Variants in NTRK3 observed in about 807,000 individuals in gnomAD.
NTRK3 encodes the protein NT-3 growth factor receptor.
NTRK3 carries 24 observed loss-of-function variants against 91.7 expected under a neutral mutation model. The observed-to-expected ratio is 0.26, with a 90% CI of 0.19 to 0.37. The LOEUF (loss-of-function observed/expected upper bound fraction) is 0.37, where lower values mean the gene tolerates loss of function less well. Among genes scored for constraint, NTRK3 ranks in the 10% least tolerant of loss-of-function variants. The pLI is 1.00. For synonymous variants in NTRK3, 483 were observed against 404.0 expected (o/e 1.20, Z -2.34); for missense variants, 880 against 1,068.9 (o/e 0.82, Z 2.46).
exon 19 of NTRK3, chr15:87,860,529 G>C (rs189230704): frequency 2.9e-4 from 57 of 198,980 alleles, no homozygotes. Flanking sequence ...GTTTTACTTA[G>C]ACAATAAACC....
At chr15:87,988,832 G>A (rs1011973874) in intron 14 of NTRK3, among the ~76,000 whole-genome samples, 1 of 152,104 alleles carries the variant, frequency 6.6e-6, no homozygotes, top group Admixed American at 6.5e-5. Flanking sequence ...GAAGTGGCTA[G>A]CATTACAAGA....
In NTRK3 at chr15:88,255,225, T is replaced by C; in HGVS notation, c.248+681A>G. The stretch of plus-strand genomic sequence containing the variant: ...GGGAAGGGATCTGTAGGCGCCCAGA[T>C]GCAGATGAGGGTGGCAAAGGGGTGT... On this transcript the variant is annotated intron_variant, in intron 3 of 18. Coordinates refer to ENST00000394480, the Ensembl canonical transcript of NTRK3. The surrounding 1 kb of genome is among the most constrained non-coding windows in gnomAD (Gnocchi z 4.3). Among the ~76,000 whole-genome samples the C allele has an allele frequency of 6.6e-6, 1 of 152,154 alleles. No individual in the cohort carries two copies. Among genetic ancestry groups the C allele is most frequent in the Middle Eastern group, 3.4e-3 (1 of 294 alleles).
At chr15:87,864,192 T>A (rs898517907) in exon 19 of NTRK3, 1 of 232,664 alleles carries the variant, frequency 4.3e-6, no homozygotes, top group African/African-American at 2.2e-5. Context: ...CTCAAGCTAA[T>A]CCACCATGGC....
At chr15:88,029,005 T>A (rs1001298679) in intron 14 of NTRK3, among the ~76,000 whole-genome samples, 1 of 152,212 alleles carries the variant, frequency 6.6e-6, no homozygotes, top group African/African-American at 2.4e-5. Flanking sequence ...AACTTTTAGC[T>A]TCTCCCAAGT....
At chr15:87,960,925 C>T (rs1485313120) in intron 14 of NTRK3, among the ~76,000 whole-genome samples, 1 of 152,186 alleles carries the variant, frequency 6.6e-6, no homozygotes, top group Non-Finnish European at 1.5e-5. Flanking sequence ...TTTCTCAAGC[C>T]TCATTTCACT....
intron 13 of NTRK3, among the ~76,000 whole-genome samples, chr15:88,068,360 G>C (rs1393599786): frequency 6.6e-6 from 1 of 152,158 alleles, no homozygotes; most frequent in African/African-American, 2.4e-5. Flanking sequence ...GAACCCGGGA[G>C]GTGGAGGCTG....
intron 6 of NTRK3, among the ~76,000 whole-genome samples, chr15:88,142,687 A>T (rs1197584776): frequency 2.0e-5 from 3 of 152,212 alleles, no homozygotes; most frequent in African/African-American, 7.2e-5. Context: ...CAACAGTCAG[A>T]TGGTAGGAAA....
intron 13 of NTRK3, among the ~76,000 whole-genome samples, chr15:88,048,297 TTCA>T (rs2080443621): frequency 6.6e-6 from 1 of 152,278 alleles, no homozygotes; most frequent in South Asian, 2.1e-4. Flanking sequence ...CAGTATCAAT[TTCA>T]TAACGTTATT....
intron 4 of NTRK3, among the ~76,000 whole-genome samples, chr15:88,183,776 C>T (rs1277021297): frequency 2.6e-5 from 4 of 152,170 alleles, no homozygotes; most frequent in Non-Finnish European, 5.9e-5. Flanking sequence ...TTCTGCTGGT[C>T]CAGTAATGGC....
chr15:88,026,010 G>A (rs1415601445), intron 14 of NTRK3, among the ~76,000 whole-genome samples: 1 of 152,156 alleles, frequency 6.6e-6, no homozygotes, highest in Non-Finnish European at 1.5e-5. Context: ...GGTGGCTCAC[G>A]CCTGTAATCC....
intron 3 of NTRK3, among the ~76,000 whole-genome samples, chr15:88,246,416 G>A (rs1407047945): frequency 6.6e-6 from 1 of 152,120 alleles, no homozygotes; most frequent in African/African-American, 2.4e-5. Flanking sequence ...ACTACTTGTC[G>A]TCCGGTAATT....
chr15:87,949,037 G>C (rs1435352176), intron 14 of NTRK3, among the ~76,000 whole-genome samples: 1 of 152,164 alleles, frequency 6.6e-6, no homozygotes, highest in African/African-American at 2.4e-5. Flanking sequence ...GCCTAGCACA[G>C]GGCCTGAGAC....
intron 14 of NTRK3, among the ~76,000 whole-genome samples, chr15:87,996,275 C>T (rs1318851244): frequency 6.6e-6 from 1 of 151,860 alleles, no homozygotes; most frequent in Non-Finnish European, 1.5e-5. Flanking sequence ...TAAAATAAAA[C>T]CATTCTTAGC....
intron 14 of NTRK3, among the ~76,000 whole-genome samples, chr15:87,954,368 G>C (rs546683184): frequency 6.6e-6 from 1 of 152,188 alleles, no homozygotes; most frequent in East Asian, 1.9e-4. Context: ...AAAGTATGGA[G>C]GCTGAATGAC....
At chr15:88,190,527 G>T (rs181873451) in intron 3 of NTRK3, among the ~76,000 whole-genome samples, 1 of 152,134 alleles carries the variant, frequency 6.6e-6, no homozygotes, top group Non-Finnish European at 1.5e-5. Flanking sequence ...CTATTCCAAC[G>T]GTTATCGCAT....
intron 13 of NTRK3, among the ~76,000 whole-genome samples, chr15:88,116,919 T>C (rs2052155481): frequency 6.6e-6 from 1 of 152,214 alleles, no homozygotes; most frequent in Non-Finnish European, 1.5e-5. Context: ...CCTAGGCAAC[T>C]GCACATCGAA....
At chr15:88,180,987 G>C (rs74463509) in intron 5 of NTRK3, among the ~76,000 whole-genome samples, 2 of 152,124 alleles carry the variant, frequency 1.3e-5, no homozygotes, top group South Asian at 2.1e-4. Context: ...GTCTCTCTGC[G>C]ACCCCCAGGC....
At chr15:87,974,246 C>T (rs1007533527) in intron 14 of NTRK3, among the ~76,000 whole-genome samples, 1 of 150,790 alleles carries the variant, frequency 6.6e-6, no homozygotes, top group African/African-American at 2.5e-5. Flanking sequence ...AAGGGATTCC[C>T]GCACAAAAGA....
chr15:87,946,654 G>A (rs952190668), intron 14 of NTRK3, among the ~76,000 whole-genome samples: 1 of 152,128 alleles, frequency 6.6e-6, no homozygotes, highest in African/African-American at 2.4e-5. Flanking sequence ...CCTGGCTCAT[G>A]TTGATACTCA....
Sources: gnomAD v4.1 joint callset for allele counts (sites outside exome capture counted in the v4.1 genomes callset) on GRCh38, gnomAD v4.1.1 for gene constraint, Gnocchi (gnomAD v3.1) non-coding constraint, MANE v1.5 for transcripts, NCBI Gene and HGNC (gene_info 2026-07-23, HGNC 2026-07-21) for gene names.